The following FAM174A variants were observed in gnomAD, a reference collection of about 807,000 sequenced individuals.
FAM174A encodes family with sequence similarity 174 member A, also known as membrane protein FAM174A.
FAM174A carries 14 observed loss-of-function variants against 14.3 expected under a neutral mutation model. That is an observed-to-expected ratio of 0.98 (90% CI 0.65 to 1.53). The LOEUF (loss-of-function observed/expected upper bound fraction) is 1.53, where lower values mean the gene tolerates loss of function less well. FAM174A is among the 40% of genes most tolerant of loss of function. The probability of loss-of-function intolerance (pLI) is 0.00; values close to 1 mark genes in which losing one functional copy is unlikely to be tolerated. For synonymous variants in FAM174A, 108 were observed against 111.4 expected, an observed-to-expected ratio of 0.97 and a Z score of 0.19; for missense variants, 241 against 249.6, an observed-to-expected ratio of 0.97 and a Z score of 0.23.
rs1286457555 is a variant in FAM174A, at chr5:100,535,672, C to T, written c.142C>T (p.Pro48Ser). The change falls in exon 1 of 3, where the codon CCT becomes TCT. Residue 48 changes from proline (P) to serine (S), a missense_variant. Pro to Ser is a moderately conservative substitution (Grantham distance 74). Transcript: ENST00000312637. ...EAAPGLGPPD[P>S]RPRTLPPLPP... is the part of the protein sequence containing the mutation. ...CGCGCCAGGTCTTGGGCCTCCTGAC[C>T]CTAGACCACGGACATTACCGCCGCT... The T allele has an allele frequency of 3.1e-6, 5 of 1,611,860 alleles. No individual in the cohort carries two copies. Among genetic ancestry groups the T allele is most frequent in the Non-Finnish European group, 3.4e-6 (4 of 1,179,670 alleles).
intron 2 of FAM174A, among the ~76,000 whole-genome samples, chr5:100,580,168 A>T (rs541625189): frequency 1.7e-3 from 259 of 152,340 alleles, no homozygotes; most frequent in Non-Finnish European, 2.8e-3. Context: ...AATACAGCCA[A>T]TGGCAACTAT....
chr5:100,535,375 G>A lies in FAM174A; in HGVS notation c.-156G>A. On this transcript the variant is annotated 5_prime_UTR_variant, in exon 1 of 3. Coordinates refer to ENST00000312637, the MANE Select transcript of FAM174A (RefSeq NM_198507.3). ...GTACGAACTTCCGGTTCTCCGGGCAGCTGCCACTGCTGTAGCTTCTGCCAC... is the reference window on the plus strand; with the variant it reads ...GTACGAACTTCCGGTTCTCCGGGCAACTGCCACTGCTGTAGCTTCTGCCAC... 1 of 748,394 alleles carries A rather than the reference G, an allele frequency of 1.3e-6. No homozygotes were observed. 46.4% of individuals were successfully genotyped at this position (748,394 alleles called of 1,614,324 possible).
intron 1 of FAM174A, among the ~76,000 whole-genome samples, chr5:100,561,681 C>A (rs181472766): frequency 6.6e-6 from 1 of 151,636 alleles, no homozygotes; most frequent in Non-Finnish European, 1.5e-5. Context: ...GGTAAGAAAG[C>A]GGGGAGGACA....
chr5:100,567,597 C>T (rs915985322), intron 2 of FAM174A, among the ~76,000 whole-genome samples: 1 of 151,848 alleles, frequency 6.6e-6, no homozygotes, highest in African/African-American at 2.4e-5. Context: ...ACAAAATATT[C>T]TATACTTGTT....
At chr5:100,559,571 A>G (rs1233794392) in intron 1 of FAM174A, among the ~76,000 whole-genome samples, 3 of 151,778 alleles carry the variant, frequency 2.0e-5, no homozygotes, top group Non-Finnish European at 2.9e-5. Context: ...CCTCCCCATC[A>G]CTTTCAGGTA....
rs185124215 is a variant in FAM174A at position 100,569,752 on chromosome 5, G to A, written c.569+7564G>A. ...CCCCAGGCACTCTACTAAGCTCTGG[G>A]GATGTATACAATAGTGCACAAAAAT... On this transcript the variant is annotated intron_variant, in intron 2 of 2. Coordinates refer to ENST00000312637, the MANE Select transcript of FAM174A (RefSeq NM_198507.3). Among the ~76,000 whole-genome samples the A allele has an allele frequency of 4.6e-5, 7 of 151,810 alleles. No homozygotes were observed. The East Asian group carries it at 1.4e-3, about 29-fold the overall frequency.
chr5:100,538,151 A>G (rs1745975312), intron 1 of FAM174A, among the ~76,000 whole-genome samples: 1 of 152,074 alleles, frequency 6.6e-6, no homozygotes, highest in South Asian at 2.1e-4. Context: ...GATGCTAACA[A>G]TGTCTGGGCA....
At chr5:100,557,595 A>C (rs1380707824) in intron 1 of FAM174A, among the ~76,000 whole-genome samples, 4 of 152,138 alleles carry the variant, frequency 2.6e-5, no homozygotes, top group African/African-American at 9.7e-5. Flanking sequence ...TAGGCTATTA[A>C]TTATTGCCTC....
chr5:100,572,984 G>A (rs1746822437), intron 2 of FAM174A, among the ~76,000 whole-genome samples: 1 of 152,120 alleles, frequency 6.6e-6, no homozygotes, highest in African/African-American at 2.4e-5. Flanking sequence ...GTTTTGATTT[G>A]CATTTCTCTG....
intron 2 of FAM174A, among the ~76,000 whole-genome samples, chr5:100,574,220 GCT>G (rs1746855007): frequency 2.6e-5 from 4 of 151,898 alleles, no homozygotes; most frequent in African/African-American, 9.7e-5. Flanking sequence ...ATGGAATCTT[GCT>G]CTGTCACCCA....
At chr5:100,572,339 G>A (rs1037052967) in intron 2 of FAM174A, among the ~76,000 whole-genome samples, 15 of 148,624 alleles carry the variant, frequency 1.0e-4, no homozygotes, top group African/African-American at 3.5e-4. Context: ...CCATGCTGGT[G>A]CGCTGCACCC....
At chr5:100,575,417 A>G (rs1360570917) in intron 2 of FAM174A, among the ~76,000 whole-genome samples, 2 of 152,022 alleles carry the variant, frequency 1.3e-5, no homozygotes, top group African/African-American at 4.8e-5. Flanking sequence ...CCACCGCATA[A>G]CAGGCCCCAG....
chr5:100,572,955 G>A (rs1378024916), intron 2 of FAM174A, among the ~76,000 whole-genome samples: 1 of 152,130 alleles, frequency 6.6e-6, no homozygotes, highest in Non-Finnish European at 1.5e-5. Context: ...TAACTGGTGT[G>A]AGCTGGTATC....
intron 1 of FAM174A, among the ~76,000 whole-genome samples, chr5:100,557,224 A>T (rs541731450): frequency 8.6e-6 from 1 of 115,650 alleles, no homozygotes; most frequent in Non-Finnish European, 1.9e-5. Flanking sequence ...TCATTGGTAC[A>T]TGTTGGATTA....
intron 2 of FAM174A, among the ~76,000 whole-genome samples, chr5:100,567,030 A>G (rs1185910395): frequency 6.6e-6 from 1 of 151,820 alleles, no homozygotes; most frequent in African/African-American, 2.4e-5. Context: ...TGAATTATTT[A>G]AGCAGCTTTG....
chr5:100,545,370 C>T (rs1392830038), intron 1 of FAM174A, among the ~76,000 whole-genome samples: 2 of 151,904 alleles, frequency 1.3e-5, no homozygotes, highest in African/African-American at 4.8e-5. Flanking sequence ...TTTTCCTTGG[C>T]GTTTTTGGAT....
chr5:100,576,267 CAG>C (rs1746902539), intron 2 of FAM174A, among the ~76,000 whole-genome samples: 2 of 151,692 alleles, frequency 1.3e-5, no homozygotes, highest in South Asian at 2.1e-4. Flanking sequence ...TTTCATGTAA[CAG>C]AATGTCACAG....
intron 1 of FAM174A, among the ~76,000 whole-genome samples, chr5:100,550,566 G>A (rs753528638): frequency 2.0e-5 from 3 of 152,288 alleles, no homozygotes; most frequent in South Asian, 4.1e-4. Context: ...ACTGTGGTGA[G>A]TAAGAACAGA....
intron 1 of FAM174A, among the ~76,000 whole-genome samples, chr5:100,559,638 T>C (rs1217084074): frequency 6.6e-6 from 1 of 152,140 alleles, no homozygotes; most frequent in Non-Finnish European, 1.5e-5. Context: ...TTGGAGGCTT[T>C]GTTCGTTTCT....
Sources: gnomAD v4.1 joint callset for allele counts (sites outside exome capture counted in the v4.1 genomes callset) on GRCh38, gnomAD v4.1.1 for gene constraint, MANE v1.5 for transcripts, NCBI Gene and HGNC (gene_info 2026-07-23, HGNC 2026-07-21) for gene names.